Variants in KCNQ5 observed in about 807,000 individuals in gnomAD.
KCNQ5 encodes the protein potassium voltage-gated channel subfamily KQT member 5.
A neutral mutation model predicts 98.2 loss-of-function variants in KCNQ5; 30 were observed. The ratio of observed to expected loss-of-function variants is 0.31; its 90% confidence interval spans 0.23 to 0.41. The LOEUF is 0.41. KCNQ5 is among the 10% of genes least tolerant of loss of function. The pLI is 1.00. For synonymous variants in KCNQ5, 458 were observed against 449.4 expected (o/e 1.02, Z -0.24); for missense variants, 835 against 1,182.5 (o/e 0.71, Z 4.31).
intron 1 of KCNQ5, among the ~76,000 whole-genome samples, chr6:72,960,408 T>G (rs1767285038): frequency 1.3e-5 from 2 of 152,030 alleles, no homozygotes; most frequent in South Asian, 4.1e-4. Context: ...AATACATTTG[T>G]TGTTGTTGTT....
chr6:72,997,561 G>A (rs1467749258), intron 1 of KCNQ5, among the ~76,000 whole-genome samples: 1 of 151,158 alleles, frequency 6.6e-6, no homozygotes, highest in Non-Finnish European at 1.5e-5. Flanking sequence ...GGATCACGAG[G>A]TCAGAAGATC....
Position 72,622,349 on chromosome 6 carries a change from A to G in KCNQ5, c.160A>G (p.Arg54Gly). The change falls in exon 1 of 14, where the codon AGG becomes GGG. Residue 54 changes from arginine (R) to glycine (G), a missense_variant. Physicochemically the swap from Arg to Gly is moderately radical, Grantham distance 125. This residue lies in a region of KCNQ5 where 21 missense variants were observed against 43.9 expected (regional missense o/e 0.48). Coordinates refer to ENST00000370398, the MANE Select transcript of KCNQ5 (RefSeq NM_019842.4). This position sits in a 1 kb window ranked among gnomAD's most constrained non-coding sequence, Gnocchi z 6.0. ...GRVLLNSAAA[R>G]GDGLLLLGTR... Reference sequence around the variant, plus strand: ...GGTGCTGCTGAACTCGGCAGCCGCCAGGGGCGACGGCCTGCTACTGCTGGG... The same window carrying G: ...GGTGCTGCTGAACTCGGCAGCCGCCGGGGGCGACGGCCTGCTACTGCTGGG... The G allele has an allele frequency of 7.0e-7, 1 of 1,432,392 alleles. No individual in the cohort carries two copies. The highest frequency in any genetic ancestry group is 9.1e-7 in the Non-Finnish European group (1 of 1,096,364). 88.7% of individuals were successfully genotyped at this position (1,432,392 alleles called of 1,614,324 possible).
rs543308062 is a variant in KCNQ5 at position 72,636,912 on chromosome 6, A to T, written c.398+14325A>T. ...AGGGATTTACAAGGTAAACTCCAGG[A>T]TCACCATGTACAGAACTGCTGATTG... is the stretch of plus-strand genomic sequence containing the variant. On this transcript the variant is annotated intron_variant, in intron 1 of 13. Coordinates refer to ENST00000370398, the MANE Select transcript of KCNQ5 (RefSeq NM_019842.4). Among the ~76,000 whole-genome samples the T allele has an allele frequency of 3.3e-5, 5 of 152,338 alleles. No homozygotes were observed. In the South Asian group the frequency reaches 1.0e-3, roughly 32 times the overall value.
At chr6:72,682,125 G>A (rs1332898813) in intron 1 of KCNQ5, among the ~76,000 whole-genome samples, 6 of 152,052 alleles carry the variant, frequency 3.9e-5, no homozygotes, top group Non-Finnish European at 7.4e-5. Flanking sequence ...TTAATGCTTG[G>A]CAGTCCCATC....
intron 1 of KCNQ5, among the ~76,000 whole-genome samples, chr6:72,745,827 GC>G (rs1394792417): frequency 6.6e-6 from 1 of 152,118 alleles, no homozygotes; most frequent in Non-Finnish European, 1.5e-5. Flanking sequence ...CAGGGAAGAA[GC>G]CTTCCTTGCC....
At chr6:73,166,384 C>T (rs1483418547) in intron 10 of KCNQ5, among the ~76,000 whole-genome samples, 13 of 151,484 alleles carry the variant, frequency 8.6e-5, no homozygotes, top group East Asian at 3.9e-4. Flanking sequence ...TGCAGTGAGC[C>T]GAGATCATGC....
At chr6:72,956,489 CTTTTTTT>C (rs35114790) in intron 1 of KCNQ5, among the ~76,000 whole-genome samples, 5 of 112,010 alleles carry the variant, frequency 4.5e-5, no homozygotes, top group South Asian at 3.0e-4. Context: ...TTTCTTTTTT[CTTTTTTT>C]TTTTTTTTTT....
rs115215400 is a variant in KCNQ5 at position 72,893,351 on chromosome 6, C to T, written c.399-110557C>T. Reference sequence around the variant, plus strand: ...AAAATAAGGCTATCAAAAAGAGGAGCGCAGAATGTTTCTGCCAGTTTGTAA... The same window carrying T: ...AAAATAAGGCTATCAAAAAGAGGAGTGCAGAATGTTTCTGCCAGTTTGTAA... On this transcript the variant is annotated intron_variant, in intron 1 of 13. Transcript: ENST00000370398. Among the ~76,000 whole-genome samples the T allele has an allele frequency of 7.6e-3, 1,155 of 152,070 alleles. 14 individuals are homozygous for T. The highest frequency in any genetic ancestry group is 0.024 in the African/African-American group (1,011 of 41,454).
At chr6:72,838,721 C>T (rs1226051335) in intron 1 of KCNQ5, among the ~76,000 whole-genome samples, 2 of 151,568 alleles carry the variant, frequency 1.3e-5, no homozygotes, top group South Asian at 2.1e-4. Flanking sequence ...GAGGCCGAGG[C>T]GGGCGGATCA....
chr6:73,123,715 T>A (rs1775836480), intron 8 of KCNQ5, among the ~76,000 whole-genome samples: 1 of 152,172 alleles, frequency 6.6e-6, no homozygotes, highest in East Asian at 1.9e-4. Flanking sequence ...ATTTAGGGAA[T>A]GAGTCAGAAA....
At chr6:73,005,438 A>T (rs1271125949) in intron 2 of KCNQ5, among the ~76,000 whole-genome samples, 2 of 152,232 alleles carry the variant, frequency 1.3e-5, no homozygotes, top group African/African-American at 4.8e-5. Flanking sequence ...GACCAATATT[A>T]GGAATAAATC....
chr6:72,807,895 T>A (rs1325261069), intron 1 of KCNQ5, among the ~76,000 whole-genome samples: 1 of 152,026 alleles, frequency 6.6e-6, no homozygotes, highest in African/African-American at 2.4e-5. Context: ...CAAGCGCAAA[T>A]CCCTACAGAG....
chr6:73,157,901 C>T (rs1777432761), intron 10 of KCNQ5: 4 of 776,330 alleles, frequency 5.2e-6, no homozygotes, highest in Non-Finnish European at 9.6e-6. Context: ...TTTTTGGCCG[C>T]TTCTGCTCCT....
At chr6:73,030,762 A>G (rs1357275070) in intron 2 of KCNQ5, among the ~76,000 whole-genome samples, 3 of 152,182 alleles carry the variant, frequency 2.0e-5, no homozygotes, top group East Asian at 3.8e-4. Context: ...GCAAGATTGT[A>G]TCTGATTTCT....
chr6:72,853,833 C>G (rs1399532572), intron 1 of KCNQ5, among the ~76,000 whole-genome samples: 1 of 152,194 alleles, frequency 6.6e-6, no homozygotes, highest in East Asian at 1.9e-4. Context: ...TTTACAGTTC[C>G]ATTTCCATTC....
At chr6:72,920,550 T>C (rs1780347071) in intron 1 of KCNQ5, among the ~76,000 whole-genome samples, 1 of 152,138 alleles carries the variant, frequency 6.6e-6, no homozygotes, top group Non-Finnish European at 1.5e-5. Flanking sequence ...TGAAGACTTC[T>C]GCCACTCAGG....
At chr6:72,869,630 G>A (rs541201069) in intron 1 of KCNQ5, among the ~76,000 whole-genome samples, 6 of 152,120 alleles carry the variant, frequency 3.9e-5, no homozygotes, top group Non-Finnish European at 7.3e-5. Flanking sequence ...ATTCAGTCAC[G>A]TCAAGATGTA....
At chr6:72,822,673 C>A (rs774410271) in intron 1 of KCNQ5, among the ~76,000 whole-genome samples, 3 of 152,074 alleles carry the variant, frequency 2.0e-5, no homozygotes, top group Non-Finnish European at 4.4e-5. Flanking sequence ...AATAGGACAG[C>A]AAATCAATCT....
chr6:72,802,029 A>C (rs1413992345), intron 1 of KCNQ5, among the ~76,000 whole-genome samples: 13 of 152,082 alleles, frequency 8.5e-5, no homozygotes, highest in Non-Finnish European at 1.5e-5. Context: ...TTTGAGGGTA[A>C]CCCGACCTTT....
Sources: gnomAD v4.1 joint callset for allele counts (sites outside exome capture counted in the v4.1 genomes callset) on GRCh38, gnomAD v4.1.1 for gene constraint, gnomAD v4.1.1 regional missense constraint, Gnocchi (gnomAD v3.1) non-coding constraint, MANE v1.5 for transcripts, NCBI Gene and HGNC (gene_info 2026-07-23, HGNC 2026-07-21) for gene names.